RNPEPL1: variants seen among roughly 807,000 people sequenced by gnomAD.
RNPEPL1 encodes the protein aminopeptidase RNPEPL1.
A neutral mutation model predicts 69.0 loss-of-function variants in RNPEPL1; 46 were observed. That is an observed-to-expected ratio of 0.67 (90% CI 0.53 to 0.85). RNPEPL1 has a LOEUF of 0.85. Ranked by LOEUF, RNPEPL1 falls within the 40% of genes least tolerant of loss-of-function variation. RNPEPL1 has a pLI of 0.00. For missense variants in RNPEPL1, 869 were observed against 992.5 expected, an observed-to-expected ratio of 0.88 and a Z score of 1.67; for synonymous variants, 525 against 454.1, an observed-to-expected ratio of 1.16 and a Z score of -1.98.
At chr2:240,574,787 C>A in intron 6 of RNPEPL1, 159 bp downstream of exon 6, 1 of 699,178 alleles carries the variant, frequency 1.4e-6, no homozygotes. Context: ...GGCAAGGCCT[C>A]CCCAGGCTCC....
chr2:240,575,454 T>C, intron 7 of RNPEPL1, 48 bp from the exon 8 acceptor site: 2 of 1,509,990 alleles, frequency 1.3e-6, no homozygotes, highest in Non-Finnish European at 1.8e-6. Context: ...TGGGGCTGCC[T>C]GTGCCCCACC....
chr2:240,573,502 C>T (rs1399994594), intron 3 of RNPEPL1, among the ~76,000 whole-genome samples: 1 of 152,214 alleles, frequency 6.6e-6, no homozygotes, highest in East Asian at 1.9e-4. Context: ...CTGCCAAGGC[C>T]CCCGCACAGC....
intron 8 of RNPEPL1, 82 bp downstream of exon 8, chr2:240,575,692 C>T: frequency 9.5e-7 from 1 of 1,056,620 alleles, no homozygotes; most frequent in South Asian, 1.3e-5. Context: ...GGGGCCACTC[C>T]ACCTGGAGGA....
rs891938240 is a variant in RNPEPL1 at position 240,568,694 on chromosome 2, G to A, written c.108G>A (p.Ala36=). 3.8e-6 allele frequency: 4 copies of A among 1,057,500 alleles called. No homozygotes were observed. Among genetic ancestry groups the A allele is most frequent in the Non-Finnish European group, 4.6e-6 (4 of 873,180 alleles). The allele number at this position is 1,057,500 out of a possible 1,614,324, so 65.5% of individuals were successfully genotyped here. ...PALDVASASS[A]QLFRLRHLQL... Reference sequence around the variant, plus strand: ...TGGACGTGGCCTCGGCCTCCAGCGCGCAGCTCTTCCGCCTCCGCCACCTGC... The same window carrying A: ...TGGACGTGGCCTCGGCCTCCAGCGCACAGCTCTTCCGCCTCCGCCACCTGC... Residue 36 remains alanine, a synonymous_variant, in exon 1 of 11, where the codon GCG becomes GCA. Coordinates refer to ENST00000270357, the MANE Select transcript of RNPEPL1 (RefSeq NM_018226.6). The surrounding 1 kb of genome is among the most constrained non-coding windows in gnomAD (Gnocchi z 6.2).
At chr2:240,574,664 G>A in intron 6 of RNPEPL1, 36 bp downstream of exon 6, 1 of 1,540,546 alleles carries the variant, frequency 6.5e-7, no homozygotes, top group Non-Finnish European at 8.9e-7. Context: ...CACAACTGGG[G>A]ATGTCACCCC....
Position 240,568,861 on chromosome 2 carries a change from GCGCCCCCGC to G in RNPEPL1, c.280_288del (p.Pro94_Ala96del), listed in dbSNP as rs1338839096. 730 of 1,199,986 alleles carry G rather than the reference GCGCCCCCGC, an allele frequency of 6.1e-4. 5 individuals carry two copies. The African/African-American group carries it at 9.5e-3, about 16-fold the overall frequency. 74.3% of individuals were successfully genotyped at this position (1,199,986 alleles called of 1,614,324 possible). On this transcript the variant is annotated inframe_deletion, in exon 1 of 11. Coordinates refer to ENST00000270357, the MANE Select transcript of RNPEPL1 (RefSeq NM_018226.6). The surrounding 1 kb of genome is among the most constrained non-coding windows in gnomAD (Gnocchi z 6.2). ...CGCCTGCACTCAGCCGCCTTCCGTC[GCGCCCCCGC>G]CGCCGCCGCCGAGACGCCCTGCGCC...
rs1183595082 is a variant in RNPEPL1 at position 240,573,794 on chromosome 2, C to A, written c.841C>A (p.Pro281Thr). Residue 281 changes from proline to threonine, a missense_variant, in exon 4 of 11, where the codon CCA becomes ACA. This residue lies in a region of RNPEPL1 where 610 missense variants were observed against 790.9 expected (regional missense o/e 0.77). Transcript: ENST00000270357. ...IGPRSRVWAE[P>T]CLLPTATSKL... ...CACCAGGAGCCGCGTGTGGGCCGAG[C>A]CATGCCTCCTGCCCACGGCCACCAG... 2 of 1,546,368 alleles carry A rather than the reference C, an allele frequency of 1.3e-6. No homozygotes were observed. Among genetic ancestry groups the A allele is most frequent in the East Asian group, 2.4e-5 (1 of 40,892 alleles).
At chr2:240,570,295 C>T (rs6730107) in intron 1 of RNPEPL1, among the ~76,000 whole-genome samples, 24,302 of 152,264 alleles carry the variant, frequency 0.16, 2,221 homozygotes, top group South Asian at 0.28. Context: ...TGTCTCTTGG[C>T]TTCCTATGGC....
chr2:240,576,284 C>T (rs2093037476), intron 8 of RNPEPL1: 1 of 574,408 alleles, frequency 1.7e-6, no homozygotes, highest in Non-Finnish European at 3.1e-6. Flanking sequence ...CCAGGAGAGG[C>T]GTGGAGTGGG....
intron 8 of RNPEPL1, 125 bp downstream of exon 8, chr2:240,575,735 C>A: frequency 1.3e-6 from 1 of 741,498 alleles, no homozygotes; most frequent in Non-Finnish European, 2.3e-6. Flanking sequence ...GTCCTTCAGC[C>A]AACCCTTGCT....
At position 240,573,829 on chromosome 2, in the gene RNPEPL1, G is replaced by A. The variant is rs140706170; in HGVS notation, c.876G>A (p.Ser292=). ...CLLPTATSKL[S]GAVEQWLSAA... ...TGCCCACGGCCACCAGCAAGCTGTC[G>A]GGCGCAGTGGAGCAGTGGCTGAGTG... is the stretch of plus-strand genomic sequence containing the variant. Residue 292 remains serine (S), a synonymous_variant, in exon 4 of 11, where the codon TCG becomes TCA. Transcript: ENST00000270357. The A allele has an allele frequency of 1.5e-4, 239 of 1,553,824 alleles. 1 individual carries two copies. The highest frequency in any genetic ancestry group is 1.2e-3 in the African/African-American group (86 of 73,204).
chr2:240,576,368 A>C, intron 8 of RNPEPL1, 167 bp from the exon 9 acceptor site: 1 of 635,048 alleles, frequency 1.6e-6, no homozygotes, highest in South Asian at 2.0e-5. Context: ...CAGTGGCTTC[A>C]AGTGGCAGTG....
chr2:240,568,821 G>A lies in RNPEPL1; in HGVS notation c.235G>A (p.Ala79Thr), dbSNP rs2125447399. 2 of 1,123,396 alleles carry A rather than the reference G, an allele frequency of 1.8e-6. No individual in the cohort carries two copies. The highest frequency in any genetic ancestry group is 2.2e-6 in the Non-Finnish European group (2 of 916,944). The allele number at this position is 1,123,396 out of a possible 1,614,324, so 69.6% of individuals were successfully genotyped here. The part of the protein sequence containing the change: ...RPAPRALVLD[A>T]HPALRLHSAA... ...CGCGCCCCGCGCGCTCGTGCTCGAC[G>A]CGCACCCGGCTCTGCGCCTGCACTC... Residue 79 changes from alanine (A) to threonine (T), a missense_variant, in exon 1 of 11, where the codon GCG (alanine) becomes ACG (threonine). Coordinates refer to ENST00000270357, the MANE Select transcript of RNPEPL1 (RefSeq NM_018226.6). This position sits in a 1 kb window ranked among gnomAD's most constrained non-coding sequence, Gnocchi z 6.2.
rs147045614 is a variant in RNPEPL1, at chr2:240,576,912, C to G, written c.1806C>G (p.Arg602=). The G allele has an allele frequency of 6.2e-7, 1 of 1,613,522 alleles. No individual in the cohort carries two copies. Among genetic ancestry groups the G allele is most frequent in the South Asian group, 1.1e-5 (1 of 91,090 alleles). The part of the protein sequence containing the change: ...SLLDSMNAEI[R]IRWLQIVVRN... Reference sequence around the variant, plus strand: ...TGGACTCGATGAACGCTGAGATCCGCATCCGCTGGCTGCAGATTGTGGTCC... The same window carrying G: ...TGGACTCGATGAACGCTGAGATCCGGATCCGCTGGCTGCAGATTGTGGTCC... Residue 602 remains arginine, a synonymous_variant, in exon 10 of 11, where the codon CGC becomes CGG. Transcript: ENST00000270357.
chr2:240,569,867 G>A (rs1378187699), intron 1 of RNPEPL1, among the ~76,000 whole-genome samples: 2 of 152,216 alleles, frequency 1.3e-5, no homozygotes, highest in African/African-American at 4.8e-5. Context: ...GCTGTCACTG[G>A]TCACGGCACA....
Position 240,574,962 on chromosome 2 carries a change from T to C in RNPEPL1, c.1289-68T>C. ...TTGCTGCTCCTCGGAGCCTGACCAC[T>C]GCCCCTCCCTATTCCACGGGACACT... On this transcript the variant is annotated intron_variant, in intron 6 of 10. Transcript: ENST00000270357. 15 of 1,197,318 alleles carry C rather than the reference T, an allele frequency of 1.3e-5. 1 individual carries two copies. In the South Asian group the frequency reaches 1.5e-4, roughly 12 times the overall value. 74.2% of individuals were successfully genotyped at this position (1,197,318 alleles called of 1,614,324 possible). A position where few individuals can be genotyped will look rare whatever the true frequency, so the allele number is the denominator to read the frequency against.
intron 1 of RNPEPL1, 89 bp from the exon 2 acceptor site, chr2:240,572,334 C>A: frequency 6.9e-7 from 1 of 1,442,256 alleles, no homozygotes; most frequent in Non-Finnish European, 9.3e-7. Flanking sequence ...CTCCCAGAGC[C>A]TCCTGCCTTC....
At chr2:240,572,696 C>A in intron 2 of RNPEPL1, 133 bp downstream of exon 2, 1 of 1,180,966 alleles carries the variant, frequency 8.5e-7, no homozygotes, top group Non-Finnish European at 1.2e-6. Flanking sequence ...AGCAGGAGCC[C>A]ACCCTCCCTA....
intron 1 of RNPEPL1, 58 bp from the exon 2 acceptor site, chr2:240,572,365 G>A: frequency 6.6e-7 from 1 of 1,524,096 alleles, no homozygotes; most frequent in South Asian, 1.2e-5. Context: ...CTGCCCAGTG[G>A]CTAGGGCCCA....
Sources: allele counts gnomAD v4.1 joint callset (sites outside exome capture counted in the v4.1 genomes callset), GRCh38; gene constraint gnomAD v4.1.1; regional missense constraint gnomAD v4.1.1; non-coding constraint Gnocchi (gnomAD v3.1); transcripts MANE v1.5; gene names NCBI Gene and HGNC (gene_info 2026-07-23, HGNC 2026-07-21).